The following CNTNAP4 variants were observed in gnomAD, a reference collection of about 807,000 sequenced individuals.
The protein encoded by CNTNAP4 is contactin associated protein family member 4, also known as contactin-associated protein-like 4.
In CNTNAP4, 98 loss-of-function variants were observed where a neutral mutation model predicts 148.4. That is an observed-to-expected ratio of 0.66 (90% CI 0.56 to 0.78). The LOEUF (loss-of-function observed/expected upper bound fraction) is 0.78, where lower values mean the gene tolerates loss of function less well. Ranked by LOEUF, CNTNAP4 falls within the 30% of genes least tolerant of loss-of-function variation. CNTNAP4 has a pLI of 0.00. For missense variants in CNTNAP4, 1,935 were observed against 1,565.6 expected (o/e 1.24, Z -3.98); for synonymous variants, 730 against 565.1 (o/e 1.29, Z -4.14).
At chr16:76,331,526 T>A (rs532218195) in intron 2 of CNTNAP4, among the ~76,000 whole-genome samples, 3 of 151,964 alleles carry the variant, frequency 2.0e-5, no homozygotes, top group South Asian at 4.1e-4. Context: ...TCTTAGTGAT[T>A]ACTTTGGGAA....
At position 76,355,496 on chromosome 16, in the gene CNTNAP4, A is replaced by G. The variant is rs375440873; in HGVS notation, c.375A>G (p.Gln125=). ...DSGWNWKQYR[Q]EDSIWGFSGN... ...GCTGGAACTGGAAACAATATCGCCA[A>G]GAGGACAGCATCTGGGTATGTTCTT... Residue 125 remains glutamine, a synonymous_variant, in exon 3 of 24, where the codon CAA becomes CAG. Transcript: ENST00000611870. 1 of 1,609,118 alleles carries G rather than the reference A, an allele frequency of 6.2e-7. No individual in the cohort carries two copies. Among genetic ancestry groups the G allele is most frequent in the Non-Finnish European group, 8.5e-7 (1 of 1,177,624 alleles).
chr16:76,534,756 G>T (rs557756850), intron 17 of CNTNAP4, among the ~76,000 whole-genome samples: 1 of 152,078 alleles, frequency 6.6e-6, no homozygotes, highest in Non-Finnish European at 1.5e-5. Context: ...GAAGCTCTCC[G>T]TGTGATTATG....
chr16:76,450,619 A>G (rs1280184869), intron 7 of CNTNAP4, among the ~76,000 whole-genome samples: 1 of 152,244 alleles, frequency 6.6e-6, no homozygotes, highest in East Asian at 1.9e-4. Flanking sequence ...ACAGCATGTA[A>G]GAAACATCAC....
intron 2 of CNTNAP4, among the ~76,000 whole-genome samples, chr16:76,323,429 G>A (rs1257293718): frequency 3.3e-5 from 5 of 151,958 alleles, no homozygotes; most frequent in Admixed American, 2.0e-4. Flanking sequence ...TGTATCACTT[G>A]TTCTAATAAA....
At chr16:76,297,826 C>T (rs1052852172) in intron 1 of CNTNAP4, among the ~76,000 whole-genome samples, 2 of 152,152 alleles carry the variant, frequency 1.3e-5, no homozygotes, top group Non-Finnish European at 2.9e-5. Context: ...TAAAAAATAT[C>T]TGTTAAAAAC....
At chr16:76,434,849 G>A (rs971879726) in intron 4 of CNTNAP4, among the ~76,000 whole-genome samples, 6 of 152,060 alleles carry the variant, frequency 3.9e-5, no homozygotes, top group South Asian at 4.1e-4. Context: ...GTCTGGGGAC[G>A]CACTGGACCT....
At chr16:76,535,277 G>A (rs1267238053) in intron 17 of CNTNAP4, among the ~76,000 whole-genome samples, 1 of 152,154 alleles carries the variant, frequency 6.6e-6, no homozygotes, top group Non-Finnish European at 1.5e-5. Flanking sequence ...TTCAATGAGA[G>A]TAGTGTATGA....
At chr16:76,314,257 A>G (rs757909201) in intron 1 of CNTNAP4, among the ~76,000 whole-genome samples, 136 of 152,230 alleles carry the variant, frequency 8.9e-4, no homozygotes, top group Non-Finnish European at 1.6e-3. Flanking sequence ...AGGGATCCCA[A>G]TCCAGAGCCC....
rs1290096200 is a variant in CNTNAP4, at chr16:76,553,902, T to C, written c.3728T>C (p.Ile1243Thr). The C allele has an allele frequency of 1.3e-6, 2 of 1,590,990 alleles. No homozygotes were observed. The highest frequency in any genetic ancestry group is 1.7e-4 in the Middle Eastern group (1 of 6,032). The change falls in exon 23 of 24, where the codon ATT becomes ACT. Residue 1243 changes from isoleucine to threonine, a missense_variant. Transcript: ENST00000611870. ...ANAIKSDSAVIGGLIAVVIFI... is the reference protein window; with the variant it reads ...ANAIKSDSAVTGGLIAVVIFI... ...GCAATCAAAAGTGACTCTGCAGTAA[T>C]TGGAGGTAATAAGAAGCATGAATGA... is the stretch of plus-strand genomic sequence containing the variant.
intron 3 of CNTNAP4, among the ~76,000 whole-genome samples, chr16:76,391,750 C>T (rs182587466): frequency 5.9e-4 from 90 of 152,260 alleles, no homozygotes; most frequent in African/African-American, 1.9e-3. Flanking sequence ...AGCTTTGCTA[C>T]TCAATGTGTG....
intron 2 of CNTNAP4, among the ~76,000 whole-genome samples, chr16:76,345,569 C>CG (rs552062138): frequency 2.7e-4 from 41 of 151,982 alleles, no homozygotes; most frequent in African/African-American, 9.6e-4. Flanking sequence ...ATTGGGGATG[C>CG]GGGGGGGATT....
chr16:76,380,787 C>T (rs1044830493), intron 3 of CNTNAP4, among the ~76,000 whole-genome samples: 1 of 152,112 alleles, frequency 6.6e-6, no homozygotes, highest in Non-Finnish European at 1.5e-5. Flanking sequence ...ATTATGTCAG[C>T]AGTTACCGAG....
rs539344978 is a variant in CNTNAP4 at position 76,367,127 on chromosome 16, A to G, written c.390+11616A>G. Among the ~76,000 whole-genome samples the G allele has an allele frequency of 5.3e-5, 8 of 152,094 alleles. No individual in the cohort carries two copies. The South Asian group carries it at 1.4e-3, about 28-fold the overall frequency. On this transcript the variant is annotated intron_variant, in intron 3 of 23. Transcript: ENST00000611870. ...AAGAACACATGGGACATCTGTTACT[A>G]TGTCCAAATACATTTAGGGATTTGC...
Position 76,427,491 on chromosome 16 carries a change from T to G in CNTNAP4, c.430T>G (p.Tyr144Asp). ...GNANADSVVY[Y>D]RLQPSIKARF... The stretch of plus-strand genomic sequence containing the variant: ...TGCAAATGCAGACAGTGTTGTGTAC[T>G]ATAGACTCCAGCCTTCTATCAAAGC... Residue 144 changes from tyrosine to aspartate, a missense_variant, in exon 4 of 24, where the codon TAT becomes GAT. By Grantham distance (160) the Tyr-to-Asp change is radical. Transcript: ENST00000611870. The G allele has an allele frequency of 6.2e-7, 1 of 1,613,228 alleles. No homozygotes were observed. Among genetic ancestry groups the G allele is most frequent in the South Asian group, 1.1e-5 (1 of 90,964 alleles).
At chr16:76,328,713 T>A (rs1963239481) in intron 2 of CNTNAP4, among the ~76,000 whole-genome samples, 1 of 152,160 alleles carries the variant, frequency 6.6e-6, no homozygotes, top group African/African-American at 2.4e-5. Context: ...TAGCGCAATC[T>A]TGGCTCACTG....
intron 4 of CNTNAP4, among the ~76,000 whole-genome samples, chr16:76,444,765 A>G (rs1299092252): frequency 6.6e-6 from 1 of 151,918 alleles, no homozygotes; most frequent in African/African-American, 2.4e-5. Context: ...ATTTTTTTTC[A>G]TTTCCTGAGA....
chr16:76,352,106 G>T (rs1023737899), intron 2 of CNTNAP4, among the ~76,000 whole-genome samples: 1 of 151,914 alleles, frequency 6.6e-6, no homozygotes, highest in Non-Finnish European at 1.5e-5. Context: ...ACATTATAGG[G>T]GCATTTCATT....
intron 2 of CNTNAP4, among the ~76,000 whole-genome samples, chr16:76,349,512 C>T (rs931763228): frequency 1.5e-4 from 23 of 152,216 alleles, no homozygotes; most frequent in Admixed American, 2.6e-4. Flanking sequence ...GGACACGGCA[C>T]ACCATTTAAG....
At chr16:76,555,176 A>G (rs1272270302) in intron 23 of CNTNAP4, among the ~76,000 whole-genome samples, 1 of 152,166 alleles carries the variant, frequency 6.6e-6, no homozygotes, top group African/African-American at 2.4e-5. Context: ...ATCTAGACAT[A>G]TATTGCTTTC....
Sources: gnomAD v4.1 joint callset for allele counts (sites outside exome capture counted in the v4.1 genomes callset) on GRCh38, gnomAD v4.1.1 for gene constraint, MANE v1.5 for transcripts, NCBI Gene and HGNC (gene_info 2026-07-23, HGNC 2026-07-21) for gene names.